RIMS1: variants seen among roughly 807,000 people sequenced by gnomAD.
The protein encoded by RIMS1 is regulating synaptic membrane exocytosis protein 1.
In RIMS1, 83 loss-of-function variants were observed where a neutral mutation model predicts 214.1. That is an observed-to-expected ratio of 0.39 (90% confidence interval 0.32 to 0.47). The LOEUF (loss-of-function observed/expected upper bound fraction) is 0.47, where lower values mean the gene tolerates loss of function less well. Ranked by LOEUF, RIMS1 falls within the 20% of genes least tolerant of loss-of-function variation. The pLI, the probability that RIMS1 is intolerant of heterozygous loss-of-function variation, is 0.99. For missense variants in RIMS1, 2,050 were observed against 2,161.8 expected, an observed-to-expected ratio of 0.95 and a Z score of 1.03; for synonymous variants, 793 against 786.8, an observed-to-expected ratio of 1.01 and a Z score of -0.13.
At chr6:71,944,416 G>C (rs766799628) in intron 1 of RIMS1, among the ~76,000 whole-genome samples, 1 of 152,124 alleles carries the variant, frequency 6.6e-6, no homozygotes. Flanking sequence ...AGGACAAGCC[G>C]GCACTTGTCG....
At chr6:72,395,461 G>A (rs2789599) in intron 31 of RIMS1, among the ~76,000 whole-genome samples, 70,319 of 151,816 alleles carry the variant, frequency 0.46, 16,715 homozygotes, top group Middle Eastern at 0.53. Context: ...TAAGAGCCCA[G>A]TAGAAATTAT....
chr6:71,903,406 G>A (rs1381685553), intron 1 of RIMS1, among the ~76,000 whole-genome samples: 1 of 152,018 alleles, frequency 6.6e-6, no homozygotes. Flanking sequence ...AACCCTAGAA[G>A]AAAATCTAGG....
chr6:72,234,459 A>G (rs187288195), intron 7 of RIMS1, among the ~76,000 whole-genome samples: 37 of 152,096 alleles, frequency 2.4e-4, no homozygotes, highest in Admixed American at 2.4e-3. Flanking sequence ...CAGAATTCCC[A>G]TACACTTCCT....
chr6:72,262,349 A>G, intron 19 of RIMS1: 1 of 975,838 alleles, frequency 1.0e-6, no homozygotes, highest in South Asian at 4.7e-5. Flanking sequence ...GCATTTCCTG[A>G]TTTAAGCAAA....
At chr6:72,108,539 G>C (rs982829726) in intron 4 of RIMS1, among the ~76,000 whole-genome samples, 7 of 151,746 alleles carry the variant, frequency 4.6e-5, no homozygotes, top group African/African-American at 1.7e-4. Flanking sequence ...TTAAACTTCT[G>C]TCTTTTCATG....
At chr6:72,291,799 A>G in intron 25 of RIMS1, 135 bp from the exon 26 acceptor site, 1 of 706,490 alleles carries the variant, frequency 1.4e-6, no homozygotes, top group Non-Finnish European at 2.6e-6. Context: ...TATCATAAAA[A>G]GTGTTTGATT....
intron 6 of RIMS1, among the ~76,000 whole-genome samples, chr6:72,201,863 C>T (rs931214472): frequency 1.3e-5 from 2 of 152,166 alleles, no homozygotes; most frequent in African/African-American, 4.8e-5. Flanking sequence ...GTCTTCAGAA[C>T]TGAAGCTTTT....
At position 72,219,497 on chromosome 6, in the gene RIMS1, G is replaced by C. The variant is rs56920884; in HGVS notation, c.1679-14276G>C. 9.9e-3 allele frequency among the ~76,000 whole-genome samples: 1,505 copies of C among 152,176 alleles called. 21 individuals are homozygous for C. The highest frequency in any genetic ancestry group is 0.034 in the African/African-American group (1,415 of 41,538). ...AGAGAAGGTTTTACGTGACTTCTAT[G>C]AGTCTTGAATATCTGGGAAATAAAT... is the stretch of plus-strand genomic sequence containing the variant. On this transcript the variant is annotated intron_variant, in intron 6 of 33. Transcript: ENST00000521978.
chr6:71,973,851 A>T (rs1015706096), intron 2 of RIMS1, among the ~76,000 whole-genome samples: 3 of 152,164 alleles, frequency 2.0e-5, no homozygotes, highest in Non-Finnish European at 4.4e-5. Context: ...AGAGAGAGAG[A>T]GTGAGGGACT....
Position 72,372,668 on chromosome 6 carries a change from A to G in RIMS1, c.4367-17930A>G, listed in dbSNP as rs530216118. Reference sequence around the variant, plus strand: ...GCATACTTAAGAATTAGGTTTGCAAACAAAATCTCCCTGTTTCTAAGAACA... The same window carrying G: ...GCATACTTAAGAATTAGGTTTGCAAGCAAAATCTCCCTGTTTCTAAGAACA... On this transcript the variant is annotated intron_variant, in intron 29 of 33. Transcript: ENST00000521978. 2.1e-3 allele frequency among the ~76,000 whole-genome samples: 322 copies of G among 152,354 alleles called. 3 individuals carry two copies. Among genetic ancestry groups the G allele is most frequent in the African/African-American group, 7.1e-3 (295 of 41,590 alleles).
intron 29 of RIMS1, among the ~76,000 whole-genome samples, chr6:72,370,602 A>G (rs1262935194): frequency 6.6e-6 from 1 of 152,096 alleles, no homozygotes; most frequent in Admixed American, 6.5e-5. Flanking sequence ...TTCCTCCCCC[A>G]CCAGGTTGTA....
Position 71,886,975 on chromosome 6 carries a change from G to C in RIMS1, c.-49G>C, listed in dbSNP as rs778565332. ...GGGCGCAGCTGCTGGGCGTGCATCC[G>C]AAAGGTGAGAGCCAGAGAGCGAGCA... On this transcript the variant is annotated 5_prime_UTR_variant, in exon 1 of 34. Coordinates refer to ENST00000521978, the MANE Select transcript of RIMS1 (RefSeq NM_014989.7). The C allele has an allele frequency of 1.3e-6, 2 of 1,592,362 alleles. No individual in the cohort carries two copies. The highest frequency in any genetic ancestry group is 1.3e-5 in the African/African-American group (1 of 74,438).
intron 4 of RIMS1, among the ~76,000 whole-genome samples, chr6:72,111,468 G>T (rs1379429817): frequency 6.6e-6 from 1 of 152,064 alleles, no homozygotes; most frequent in South Asian, 2.1e-4. Flanking sequence ...AATATGAATT[G>T]CAGTTTTCTT....
chr6:72,040,871 A>T (rs1384706875), intron 2 of RIMS1, among the ~76,000 whole-genome samples: 1 of 151,836 alleles, frequency 6.6e-6, no homozygotes, highest in African/African-American at 2.4e-5. Context: ...GATGTAATTT[A>T]TTTTATTAAT....
chr6:71,917,324 G>C (rs908374784), intron 1 of RIMS1, among the ~76,000 whole-genome samples: 2 of 152,154 alleles, frequency 1.3e-5, no homozygotes, highest in African/African-American at 4.8e-5. Context: ...AGGTAGGATT[G>C]TCAGGAAAGC....
At chr6:72,015,881 G>A (rs367800653) in intron 2 of RIMS1, among the ~76,000 whole-genome samples, 36 of 152,212 alleles carry the variant, frequency 2.4e-4, no homozygotes, top group Middle Eastern at 3.4e-3. Flanking sequence ...AGCCGAGATC[G>A]CGCCATTGTA....
chr6:72,142,867 A>G (rs1391628876), intron 4 of RIMS1, among the ~76,000 whole-genome samples: 2 of 152,174 alleles, frequency 1.3e-5, no homozygotes, highest in African/African-American at 4.8e-5. Context: ...TAGGAAGGGA[A>G]TAACAATTTA....
rs139655923 is a variant in RIMS1 at position 72,126,012 on chromosome 6, C to T, written c.471+26026C>T. 1.1e-3 allele frequency among the ~76,000 whole-genome samples: 164 copies of T among 152,330 alleles called. 1 individual carries two copies. The highest frequency in any genetic ancestry group is 3.7e-3 in the African/African-American group (155 of 41,568). On this transcript the variant is annotated intron_variant, in intron 4 of 33. Transcript: ENST00000521978. The stretch of plus-strand genomic sequence containing the variant: ...GGCTGCACCCACTGTCCAACCATTC[C>T]CAGTGAGATGAACCAGGTATCTCAG...
chr6:72,305,526 AG>A (rs1348817624), intron 26 of RIMS1, among the ~76,000 whole-genome samples: 2 of 152,140 alleles, frequency 1.3e-5, no homozygotes, highest in Admixed American at 1.3e-4. Context: ...GCGTGTACCC[AG>A]AAGTACTCAC....
Sources: allele counts gnomAD v4.1 joint callset (sites outside exome capture counted in the v4.1 genomes callset), GRCh38; gene constraint gnomAD v4.1.1; transcripts MANE v1.5; gene names NCBI Gene and HGNC (gene_info 2026-07-23, HGNC 2026-07-21).